Variants in GALNT17 observed in about 807,000 individuals in gnomAD.
The protein encoded by GALNT17 is UDP-GalNAc:polypeptide N-acetylgalactosaminyltransferase-like 3.
Under a neutral mutation model 63.7 loss-of-function variants are expected in GALNT17, and 29 were observed. The observed-to-expected ratio is 0.46, with a 90% CI of 0.34 to 0.62. GALNT17 has a LOEUF of 0.62. Among genes scored for constraint, GALNT17 ranks in the 20% least tolerant of loss-of-function variants. GALNT17 has a pLI of 0.01. For missense variants in GALNT17, 603 were observed against 799.6 expected (o/e 0.75, Z 2.97); for synonymous variants, 305 against 318.3 (o/e 0.96, Z 0.45).
intron 6 of GALNT17, among the ~76,000 whole-genome samples, chr7:71,611,874 T>C (rs1790130559): frequency 6.6e-6 from 1 of 151,832 alleles, no homozygotes; most frequent in East Asian, 1.9e-4. Flanking sequence ...AAAGTGAGTA[T>C]TGGGAGTGTG....
intron 6 of GALNT17, among the ~76,000 whole-genome samples, chr7:71,598,505 T>G (rs886109216): frequency 1.3e-5 from 2 of 152,254 alleles, no homozygotes; most frequent in Non-Finnish European, 2.9e-5. Flanking sequence ...AGTGGTAGTT[T>G]TTTGTTTCCA....
chr7:71,303,903 G>GT (rs1791243949), intron 1 of GALNT17, among the ~76,000 whole-genome samples: 1 of 152,178 alleles, frequency 6.6e-6, no homozygotes, highest in African/African-American at 2.4e-5. Context: ...CGGGGCAGCT[G>GT]TAAGGCAAGT....
At chr7:71,698,104 CA>C (rs1791570922) in intron 9 of GALNT17, among the ~76,000 whole-genome samples, 1 of 113,768 alleles carries the variant, frequency 8.8e-6, no homozygotes, top group Non-Finnish European at 1.7e-5. Flanking sequence ...GCCTGCGCGA[CA>C]AGAGCAAGAC....
At chr7:71,155,577 C>CT (rs1459691659) in intron 1 of GALNT17, among the ~76,000 whole-genome samples, 4 of 151,568 alleles carry the variant, frequency 2.6e-5, no homozygotes, top group Admixed American at 6.6e-5. Context: ...CCAGCTTCTT[C>CT]TTTTTTTAAA....
intron 1 of GALNT17, among the ~76,000 whole-genome samples, chr7:71,293,985 C>T (rs1791031108): frequency 6.6e-6 from 1 of 152,016 alleles, no homozygotes; most frequent in African/African-American, 2.4e-5. Context: ...CGGTAAAACC[C>T]CGTCTCTACT....
chr7:71,200,094 T>G (rs1435975526), intron 1 of GALNT17, among the ~76,000 whole-genome samples: 2 of 152,176 alleles, frequency 1.3e-5, no homozygotes, highest in African/African-American at 4.8e-5. Context: ...ACCCAGTAAG[T>G]ACCTTTTGTT....
chr7:71,500,537 C>A (rs894739989), intron 5 of GALNT17, among the ~76,000 whole-genome samples: 1 of 152,154 alleles, frequency 6.6e-6, no homozygotes, highest in African/African-American at 2.4e-5. Flanking sequence ...TCTCAGCCAT[C>A]CAATCTTATG....
chr7:71,463,943 T>C (rs918569144), intron 5 of GALNT17, among the ~76,000 whole-genome samples: 1 of 152,136 alleles, frequency 6.6e-6, no homozygotes. Flanking sequence ...GCCCATCCCT[T>C]ATCTCATCCT....
intron 5 of GALNT17, among the ~76,000 whole-genome samples, chr7:71,536,136 G>A (rs573519383): frequency 1.2e-4 from 18 of 152,292 alleles, no homozygotes; most frequent in African/African-American, 4.1e-4. Flanking sequence ...ATAGCAAAAA[G>A]ACTGTTTATC....
chr7:71,489,252 A>G (rs931395418), intron 5 of GALNT17, among the ~76,000 whole-genome samples: 1 of 152,056 alleles, frequency 6.6e-6, no homozygotes, highest in African/African-American at 2.4e-5. Context: ...TAGGGGCCAC[A>G]CTCTAAGAAC....
At chr7:71,449,103 A>ATTTTATTTTTT (rs1583963031) in intron 5 of GALNT17, among the ~76,000 whole-genome samples, 1 of 45,636 alleles carries the variant, frequency 2.2e-5, no homozygotes, top group African/African-American at 8.2e-5. Context: ...ACAGCTGCCT[A>ATTTTATTTTTT]TTTTCTTTTT....
chr7:71,572,504 T>A (rs866964096), intron 6 of GALNT17, among the ~76,000 whole-genome samples: 10 of 44,484 alleles, frequency 2.2e-4, no homozygotes, highest in African/African-American at 4.2e-4. Context: ...CCTGTCTCAT[T>A]AAAAAAAAAA....
In GALNT17 at chr7:71,408,902, G is replaced by GTGTA. The variant is rs948416456; in HGVS notation, c.590-6965_590-6962dup. Among the ~76,000 whole-genome samples, 271 of 146,968 alleles carry GTGTA rather than the reference G, an allele frequency of 1.8e-3. 3 individuals are homozygous for GTGTA. Among genetic ancestry groups the GTGTA allele is most frequent in the East Asian group, 1.4e-3 (7 of 4,986 alleles). Reference sequence around the variant, plus strand: ...TCTGTCTCTGTATATGTGTGTGTGTGTGTATGTATGTATGTATGTATGTAT... The same window carrying GTGTA: ...TCTGTCTCTGTATATGTGTGTGTGTGTGTATGTATGTATGTATGTATGTATGTAT... On this transcript the variant is annotated intron_variant, in intron 3 of 10. Transcript: ENST00000333538.
intron 1 of GALNT17, among the ~76,000 whole-genome samples, chr7:71,136,246 T>A (rs766736648): frequency 3.4e-4 from 51 of 152,068 alleles, no homozygotes; most frequent in Admixed American, 7.2e-4. Context: ...CTGCAGCCGG[T>A]CTTCATTCAT....
intron 6 of GALNT17, among the ~76,000 whole-genome samples, chr7:71,624,156 C>T (rs112322415): frequency 0.018 from 2,803 of 152,230 alleles, 93 homozygotes; most frequent in African/African-American, 0.064. Flanking sequence ...TTGCCACTAC[C>T]CAGAGGGCAT....
In GALNT17 at chr7:71,543,037, T is replaced by TA. The variant is rs1554306349; in HGVS notation, c.963-28232dup. 1.1e-3 allele frequency among the ~76,000 whole-genome samples: 147 copies of TA among 130,786 alleles called. 1 individual carries two copies. The highest frequency in any genetic ancestry group is 7.4e-3 in the East Asian group (34 of 4,572). The allele number at this position is 130,786 out of a possible 152,430, so 85.8% of individuals were successfully genotyped here. A position where few individuals can be genotyped will look rare whatever the true frequency, so the allele number is the denominator to read the frequency against. On this transcript the variant is annotated intron_variant, in intron 5 of 10. Coordinates refer to ENST00000333538, the MANE Select transcript of GALNT17 (RefSeq NM_022479.3). ...CTTTAGTGTTTAGTTTGACCTTTGT[T>TA]AAAAAAAAAAAAAAAAGCCCACACA...
At chr7:71,673,929 G>T (rs1179982199) in intron 8 of GALNT17, among the ~76,000 whole-genome samples, 2 of 152,232 alleles carry the variant, frequency 1.3e-5, no homozygotes, top group Non-Finnish European at 2.9e-5. Context: ...GGCTGCCAGA[G>T]CTGCTGTGTA....
At chr7:71,486,119 A>G (rs1787904412) in intron 5 of GALNT17, among the ~76,000 whole-genome samples, 1 of 152,052 alleles carries the variant, frequency 6.6e-6, no homozygotes, top group African/African-American at 2.4e-5. Flanking sequence ...ACTTGAGGTC[A>G]GGAGTTCAAG....
At position 71,380,073 on chromosome 7, in the gene GALNT17, C is replaced by T. The variant is rs374866917; in HGVS notation, c.423-8162C>T. ...AGCGATTATACAAGGAGAGGGATGG[C>T]GGTGTTGCATACTGCAGAAAGGATC... On this transcript the variant is annotated intron_variant, in intron 2 of 10. Coordinates refer to ENST00000333538, the MANE Select transcript of GALNT17 (RefSeq NM_022479.3). 8.5e-5 allele frequency among the ~76,000 whole-genome samples: 13 copies of T among 152,120 alleles called. No homozygotes were observed. In the East Asian group the frequency reaches 1.4e-3, roughly 16 times the overall value.
Sources: gnomAD v4.1 joint callset for allele counts (sites outside exome capture counted in the v4.1 genomes callset) on GRCh38, gnomAD v4.1.1 for gene constraint, MANE v1.5 for transcripts, NCBI Gene and HGNC (gene_info 2026-07-23, HGNC 2026-07-21) for gene names.